The following EDIL3 variants were observed in gnomAD, a reference collection of about 807,000 sequenced individuals.
The protein encoded by EDIL3 is EGF-like repeat and discoidin I-like domain-containing protein 3.
In EDIL3, 37 loss-of-function variants were observed where a neutral mutation model predicts 67.4. The ratio of observed to expected loss-of-function variants is 0.55; its 90% CI spans 0.42 to 0.72. EDIL3 has a LOEUF of 0.72. EDIL3 is among the 30% of genes least tolerant of loss of function. The probability of loss-of-function intolerance (pLI) is 0.00; values close to 1 mark genes in which losing one functional copy is unlikely to be tolerated. For synonymous variants in EDIL3, 195 were observed against 196.3 expected, an observed-to-expected ratio of 0.99 and a Z score of 0.05; for missense variants, 527 against 586.3, an observed-to-expected ratio of 0.90 and a Z score of 1.04.
intron 3 of EDIL3, among the ~76,000 whole-genome samples, chr5:84,185,456 T>C (rs1580366650): frequency 6.6e-6 from 1 of 152,148 alleles, no homozygotes; most frequent in East Asian, 1.9e-4. Flanking sequence ...TTGAAATGAA[T>C]GGTTTCCTAT....
chr5:84,154,889 G>A (rs761178122), intron 4 of EDIL3, among the ~76,000 whole-genome samples: 13 of 151,746 alleles, frequency 8.6e-5, no homozygotes, highest in Admixed American at 2.0e-4. Flanking sequence ...TAGAAGAGAC[G>A]GAGTTTCACC....
intron 2 of EDIL3, among the ~76,000 whole-genome samples, chr5:84,253,320 C>T (rs7356664): frequency 1.3e-5 from 2 of 152,012 alleles, no homozygotes; most frequent in Admixed American, 6.6e-5. Flanking sequence ...GGTACTAATG[C>T]GAAAAATATA....
chr5:84,039,493 T>G (rs1331885854), intron 9 of EDIL3, among the ~76,000 whole-genome samples: 2 of 152,134 alleles, frequency 1.3e-5, no homozygotes, highest in Non-Finnish European at 2.9e-5. Flanking sequence ...CTATTAGACT[T>G]TTCAGTATCT....
At chr5:84,194,946 C>T (rs911180324) in intron 3 of EDIL3, among the ~76,000 whole-genome samples, 1 of 151,938 alleles carries the variant, frequency 6.6e-6, no homozygotes, top group Non-Finnish European at 1.5e-5. Context: ...ATATCACTGT[C>T]TTTGGACACT....
rs993807468 is a variant in EDIL3 at position 84,301,997 on chromosome 5, G to A, written c.68-47785C>T. 3.3e-5 allele frequency among the ~76,000 whole-genome samples: 5 copies of A among 151,926 alleles called. No homozygotes were observed. The East Asian group carries it at 9.7e-4, about 29-fold the overall frequency. On this transcript the variant is annotated intron_variant, in intron 1 of 10. Transcript: ENST00000296591. Reference sequence around the variant, plus strand: ...GTGCTGACTTTAAATTGTTGCAGAGGCCAACATTAAAATAATGTTAAAAAC... The same window carrying A: ...GTGCTGACTTTAAATTGTTGCAGAGACCAACATTAAAATAATGTTAAAAAC...
chr5:84,107,398 T>A (rs1174309253), intron 5 of EDIL3, among the ~76,000 whole-genome samples: 1 of 151,836 alleles, frequency 6.6e-6, no homozygotes, highest in Admixed American at 6.6e-5. Flanking sequence ...ATTATTATAA[T>A]ACCCCATGAT....
intron 9 of EDIL3, among the ~76,000 whole-genome samples, chr5:84,048,504 C>G (rs1746271128): frequency 1.3e-5 from 2 of 152,036 alleles, no homozygotes; most frequent in South Asian, 2.1e-4. Flanking sequence ...CTAAAATGTT[C>G]AGTCTAACAA....
Position 83,963,219 on chromosome 5 carries a change from G to T in EDIL3, c.1279C>A (p.Gln427Lys). The T allele has an allele frequency of 6.3e-7, 1 of 1,591,454 alleles. No homozygotes were observed. The highest frequency in any genetic ancestry group is 8.5e-7 in the Non-Finnish European group (1 of 1,170,848). Reference sequence around the variant, plus strand: ...GGCTGACTTACCTTATCTTTTCTTTGCTTTTCATCCTGGTATACAGTCCAG... The same window carrying T: ...GGCTGACTTACCTTATCTTTTCTTTTCTTTTCATCCTGGTATACAGTCCAG... ...EHWTVYQDEK[Q>K]RKDKVFQGNF... Residue 427 changes from glutamine to lysine, a missense_variant, in exon 10 of 11, where the codon CAA (glutamine) becomes AAA (lysine). Physicochemically the swap from Gln to Lys is moderately conservative, Grantham distance 53. Transcript: ENST00000296591.
At chr5:83,977,551 T>A (rs34875475) in intron 9 of EDIL3, among the ~76,000 whole-genome samples, 1 of 151,530 alleles carries the variant, frequency 6.6e-6, no homozygotes, top group South Asian at 2.1e-4. Flanking sequence ...AAAGTCTAAT[T>A]CAATATCTTT....
intron 5 of EDIL3, among the ~76,000 whole-genome samples, chr5:84,135,984 T>G (rs989387910): frequency 1.3e-5 from 2 of 152,124 alleles, no homozygotes; most frequent in Non-Finnish European, 2.9e-5. Context: ...ATTTTATAAA[T>G]ACCATGGCCA....
intron 5 of EDIL3, among the ~76,000 whole-genome samples, chr5:84,116,105 A>G (rs1580334327): frequency 7.2e-6 from 1 of 139,218 alleles, no homozygotes; most frequent in Non-Finnish European, 1.5e-5. Context: ...ATATCTAGTT[A>G]TTTTGTTTTC....
At chr5:84,070,758 G>A (rs1025458887) in intron 6 of EDIL3, among the ~76,000 whole-genome samples, 5 of 151,948 alleles carry the variant, frequency 3.3e-5, no homozygotes, top group Non-Finnish European at 5.9e-5. Flanking sequence ...CACTTAAGAT[G>A]CCCTGGAACA....
At chr5:84,221,963 T>C (rs571568412) in intron 3 of EDIL3, among the ~76,000 whole-genome samples, 1 of 152,088 alleles carries the variant, frequency 6.6e-6, no homozygotes, top group Non-Finnish European at 1.5e-5. Flanking sequence ...CCAACCCTTG[T>C]TCATTAGAAA....
At chr5:84,229,992 A>G (rs1317499217) in intron 2 of EDIL3, 108 bp from the exon 3 acceptor site, 4 of 1,020,028 alleles carry the variant, frequency 3.9e-6, no homozygotes, top group Non-Finnish European at 5.7e-6. Flanking sequence ...GAACATAAAT[A>G]TATTTCACAT....
intron 9 of EDIL3, among the ~76,000 whole-genome samples, chr5:83,978,541 T>C (rs936110414): frequency 3.3e-5 from 5 of 151,924 alleles, no homozygotes; most frequent in African/African-American, 1.2e-4. Flanking sequence ...CCTAGATAAT[T>C]TGCTGCATGG....
chr5:84,213,941 T>C (rs10056381), intron 3 of EDIL3, among the ~76,000 whole-genome samples: 51 of 152,292 alleles, frequency 3.3e-4, no homozygotes, highest in African/African-American at 1.2e-3. Context: ...TAATTCCTTG[T>C]GGACCTCAAA....
intron 6 of EDIL3, among the ~76,000 whole-genome samples, chr5:84,096,063 A>C (rs1207870418): frequency 6.6e-6 from 1 of 152,206 alleles, no homozygotes; most frequent in African/African-American, 2.4e-5. Flanking sequence ...AGATGTATGG[A>C]AATGCCTGGA....
chr5:84,118,345 T>C (rs1747710684), intron 5 of EDIL3, among the ~76,000 whole-genome samples: 1 of 151,966 alleles, frequency 6.6e-6, no homozygotes, highest in Non-Finnish European at 1.5e-5. Context: ...AAAAAGAAAA[T>C]AGAATCACTC....
chr5:84,086,055 G>A (rs544532070), intron 6 of EDIL3, among the ~76,000 whole-genome samples: 42 of 152,282 alleles, frequency 2.8e-4, no homozygotes, highest in Non-Finnish European at 5.1e-4. Flanking sequence ...TGCTGTGCTG[G>A]CAGTGAGAAT....
Sources: allele counts gnomAD v4.1 joint callset (sites outside exome capture counted in the v4.1 genomes callset), GRCh38; gene constraint gnomAD v4.1.1; transcripts MANE v1.5; gene names NCBI Gene and HGNC (gene_info 2026-07-23, HGNC 2026-07-21).